MARCHF11: variants seen among roughly 807,000 people sequenced by gnomAD.
The protein encoded by MARCHF11 is membrane associated ring-CH-type finger 11, also known as E3 ubiquitin-protein ligase MARCHF11.
MARCHF11 carries 29 observed loss-of-function variants against 37.3 expected under a neutral mutation model. The observed-to-expected ratio is 0.78, with a 90% CI of 0.58 to 1.06. The LOEUF (loss-of-function observed/expected upper bound fraction) is 1.06, where lower values mean the gene tolerates loss of function less well. Ranked by LOEUF, MARCHF11 falls within the 50% of genes least tolerant of loss-of-function variation. The pLI is 0.00. For missense variants in MARCHF11, 482 were observed against 533.4 expected, an observed-to-expected ratio of 0.90 and a Z score of 0.95; for synonymous variants, 233 against 228.0, an observed-to-expected ratio of 1.02 and a Z score of -0.20.
chr5:16,099,201 ATACGACCCACT>A (rs1483460246), intron 2 of MARCHF11, among the ~76,000 whole-genome samples: 2 of 152,210 alleles, frequency 1.3e-5, no homozygotes, highest in African/African-American at 4.8e-5. Flanking sequence ...TTTCCAAGAA[ATACGACCCACT>A]TATTTCTAAG....
At chr5:16,178,285 T>C (rs1738398240) in intron 1 of MARCHF11, among the ~76,000 whole-genome samples, 1 of 152,226 alleles carries the variant, frequency 6.6e-6, no homozygotes, top group African/African-American at 2.4e-5. Context: ...TTTCTAAATG[T>C]AGCATCATAA....
Position 16,179,621 on chromosome 5 carries a change from G to A in MARCHF11, c.-46C>T. 1 of 1,119,844 alleles carries A rather than the reference G, an allele frequency of 8.9e-7. No homozygotes were observed. Among genetic ancestry groups the A allele is most frequent in the Non-Finnish European group, 1.1e-6 (1 of 915,780 alleles). The allele number at this position is 1,119,844 out of a possible 1,614,324, so 69.4% of individuals were successfully genotyped here. A position where few individuals can be genotyped will look rare whatever the true frequency, so the allele number is the denominator to read the frequency against. On this transcript the variant is annotated 5_prime_UTR_variant, in exon 1 of 4. Transcript: ENST00000332432. Reference sequence around the variant, plus strand: ...CCTGCCGGCCCGGCTGGCGGGCCGGGCTCTGGCTGCAGGGAAAGAGAGCGC... The same window carrying A: ...CCTGCCGGCCCGGCTGGCGGGCCGGACTCTGGCTGCAGGGAAAGAGAGCGC...
intron 2 of MARCHF11, among the ~76,000 whole-genome samples, chr5:16,108,061 G>A (rs755902679): frequency 7.9e-5 from 12 of 152,220 alleles, no homozygotes; most frequent in Non-Finnish European, 1.8e-4. Context: ...CTGGCCTTCT[G>A]CCCTTGTGAA....
intron 2 of MARCHF11, among the ~76,000 whole-genome samples, chr5:16,135,147 G>A (rs1012123540): frequency 2.6e-5 from 4 of 152,004 alleles, no homozygotes; most frequent in Non-Finnish European, 5.9e-5. Flanking sequence ...AACAGCTTTG[G>A]GCCAGTTACT....
Position 16,179,340 on chromosome 5 carries a change from G to A in MARCHF11, c.236C>T (p.Ala79Val), listed in dbSNP as rs1184046140. The part of the protein sequence containing the change: ...LGEVAPRCRG[A>V]DELPPPPLPL... The stretch of plus-strand genomic sequence containing the variant: ...CAGGGGCGGAGGCGGCAGCTCGTCC[G>A]CTCCCCTGCACCGCGGGGCCACCTC... The change falls in exon 1 of 4, where the codon GCG becomes GTG. Residue 79 changes from alanine (A) to valine (V), a missense_variant. Coordinates refer to ENST00000332432, the MANE Select transcript of MARCHF11 (RefSeq NM_001102562.3). 2.5e-6 allele frequency: 3 copies of A among 1,222,826 alleles called. No homozygotes were observed. Among genetic ancestry groups the A allele is most frequent in the Admixed American group, 4.5e-5 (1 of 22,134 alleles). 75.7% of individuals were successfully genotyped at this position (1,222,826 alleles called of 1,614,324 possible). A position where few individuals can be genotyped will look rare whatever the true frequency, so the allele number is the denominator to read the frequency against.
intron 3 of MARCHF11, among the ~76,000 whole-genome samples, chr5:16,075,326 G>C (rs1176969561): frequency 1.3e-5 from 2 of 152,180 alleles, no homozygotes; most frequent in African/African-American, 4.8e-5. Context: ...TATTAATTAT[G>C]CTTCAAGATC....
At chr5:16,150,021 G>A (rs561295593) in intron 2 of MARCHF11, among the ~76,000 whole-genome samples, 2 of 144,570 alleles carry the variant, frequency 1.4e-5, no homozygotes, top group Non-Finnish European at 3.0e-5. Context: ...CCTTTGTGGG[G>A]CTGTCTACTC....
Position 16,067,592 on chromosome 5 carries a change from G to T in MARCHF11, c.1088C>A (p.Thr363Asn). The T allele has an allele frequency of 6.2e-7, 1 of 1,613,964 alleles. No individual in the cohort carries two copies. Among genetic ancestry groups the T allele is most frequent in the Non-Finnish European group, 8.5e-7 (1 of 1,179,856 alleles). The change falls in exon 4 of 4, where the codon ACC (threonine) becomes AAC (asparagine). Residue 363 changes from threonine (T) to asparagine (N), a missense_variant. Physicochemically the swap from Thr to Asn is moderately conservative, Grantham distance 65 (BLOSUM62 0). Transcript: ENST00000332432. ...NRNLVHPTQL[T>N]SPRFQCGYVL... is the part of the protein sequence containing the mutation. ...ATAGCCACACTGAAACCTTGGTGAG[G>T]TTAACTGAGTTGGGTGGACCAAGTT...
At chr5:16,117,195 G>C (rs1737238524) in intron 2 of MARCHF11, among the ~76,000 whole-genome samples, 1 of 152,066 alleles carries the variant, frequency 6.6e-6, no homozygotes, top group Non-Finnish European at 1.5e-5. Context: ...CAGAGGAGGG[G>C]GTCTAGCTAA....
intron 2 of MARCHF11, among the ~76,000 whole-genome samples, chr5:16,165,260 C>T (rs1357856781): frequency 6.6e-6 from 1 of 152,044 alleles, no homozygotes; most frequent in Non-Finnish European, 1.5e-5. Flanking sequence ...TTTGAAGACA[C>T]TTCATTTTAG....
chr5:16,112,878 A>T (rs2126571458), intron 2 of MARCHF11, among the ~76,000 whole-genome samples: 1 of 152,266 alleles, frequency 6.6e-6, no homozygotes, highest in African/African-American at 2.4e-5. Flanking sequence ...ACTAAGTCTC[A>T]TGGGAGCCGA....
rs184131430 is a variant in MARCHF11 at position 16,074,954 on chromosome 5, G to A, written c.887-7161C>T. The stretch of plus-strand genomic sequence containing the variant: ...CTGCTTCATGAAGTCTGCAGCCATC[G>A]GCCTGGACACAAAAAGCACATCTGT... On this transcript the variant is annotated intron_variant, in intron 3 of 3. Transcript: ENST00000332432. Among the ~76,000 whole-genome samples, 62 of 152,234 alleles carry A rather than the reference G, an allele frequency of 4.1e-4. 1 individual carries two copies. Among genetic ancestry groups the A allele is most frequent in the South Asian group, 2.3e-3 (11 of 4,822 alleles).
chr5:16,111,096 A>G (rs1484415956), intron 2 of MARCHF11, among the ~76,000 whole-genome samples: 1 of 152,168 alleles, frequency 6.6e-6, no homozygotes, highest in African/African-American at 2.4e-5. Context: ...TTTCTTTATA[A>G]ATTACCCATC....
intron 2 of MARCHF11, among the ~76,000 whole-genome samples, chr5:16,156,251 C>T (rs1737976226): frequency 6.6e-6 from 1 of 151,884 alleles, no homozygotes; most frequent in South Asian, 2.1e-4. Flanking sequence ...CACTGTTAGA[C>T]TCTGATGTGA....
intron 2 of MARCHF11, among the ~76,000 whole-genome samples, chr5:16,140,415 G>A (rs538982096): frequency 3.6e-4 from 55 of 152,178 alleles, no homozygotes; most frequent in Non-Finnish European, 7.2e-4. Context: ...CCTGAATGAT[G>A]GGTCATTGTA....
chr5:16,171,417 T>C (rs916023158), intron 2 of MARCHF11, among the ~76,000 whole-genome samples: 2 of 152,162 alleles, frequency 1.3e-5, no homozygotes, highest in African/African-American at 4.8e-5. Flanking sequence ...ATACTCCATA[T>C]GTTTAAATTA....
At chr5:16,090,329 A>T (rs1736771179) in intron 3 of MARCHF11, among the ~76,000 whole-genome samples, 1 of 152,222 alleles carries the variant, frequency 6.6e-6, no homozygotes. Flanking sequence ...AATGTTCGAT[A>T]CTTTTTCTCT....
intron 2 of MARCHF11, among the ~76,000 whole-genome samples, chr5:16,115,690 C>T (rs1737217570): frequency 6.6e-6 from 1 of 150,530 alleles, no homozygotes; most frequent in African/African-American, 2.4e-5. Flanking sequence ...TGCAGTGGTG[C>T]AGTCTTGGCT....
chr5:16,110,674 G>T (rs974974440), intron 2 of MARCHF11, among the ~76,000 whole-genome samples: 6 of 152,156 alleles, frequency 3.9e-5, no homozygotes, highest in African/African-American at 1.4e-4. Flanking sequence ...AAAATTATAG[G>T]TCTTTACATT....
Sources: allele counts gnomAD v4.1 joint callset (sites outside exome capture counted in the v4.1 genomes callset), GRCh38; gene constraint gnomAD v4.1.1; transcripts MANE v1.5; gene names NCBI Gene and HGNC (gene_info 2026-07-23, HGNC 2026-07-21).